Variants in CACNA2D3 observed in about 807,000 individuals in gnomAD.
The protein encoded by CACNA2D3 is calcium voltage-gated channel auxiliary subunit alpha2delta 3.
In CACNA2D3, 60 loss-of-function variants were observed where a neutral mutation model predicts 160.6. The observed-to-expected ratio is 0.37, with a 90% confidence interval of 0.30 to 0.46. The LOEUF (loss-of-function observed/expected upper bound fraction) is 0.46, where lower values mean the gene tolerates loss of function less well. Ranked by LOEUF, CACNA2D3 falls within the 20% of genes least tolerant of loss-of-function variation. The pLI, the probability that CACNA2D3 is intolerant of heterozygous loss-of-function variation, is 1.00. For synonymous variants in CACNA2D3, 558 were observed against 492.9 expected, an observed-to-expected ratio of 1.13 and a Z score of -1.75; for missense variants, 1,205 against 1,365.0, an observed-to-expected ratio of 0.88 and a Z score of 1.85.
intron 13 of CACNA2D3, among the ~76,000 whole-genome samples, chr3:54,783,467 A>T (rs1702572281): frequency 6.6e-6 from 1 of 152,002 alleles, no homozygotes; most frequent in African/African-American, 2.4e-5. Flanking sequence ...TTAGCCGGGC[A>T]TGGTGCCGTG....
intron 3 of CACNA2D3, among the ~76,000 whole-genome samples, chr3:54,371,380 A>G (rs1037832345): frequency 1.3e-5 from 2 of 152,182 alleles, no homozygotes; most frequent in African/African-American, 2.4e-5. Context: ...CTACATTTGA[A>G]AACTGCTATA....
At chr3:54,449,013 A>G (rs549567824) in intron 4 of CACNA2D3, among the ~76,000 whole-genome samples, 14 of 152,342 alleles carry the variant, frequency 9.2e-5, no homozygotes, top group African/African-American at 3.4e-4. Flanking sequence ...AGAATGGTTA[A>G]TGTCATTCAA....
At chr3:55,021,675 ATGTGTATATATATATATG>A (rs1440148709) in intron 35 of CACNA2D3, among the ~76,000 whole-genome samples, 2 of 140,048 alleles carry the variant, frequency 1.4e-5, no homozygotes, top group Non-Finnish European at 3.0e-5. Flanking sequence ...GTATATATAT[ATGTGTATATATATATATG>A]TGTGTATATA....
chr3:55,057,138 G>A (rs761133200), intron 35 of CACNA2D3, among the ~76,000 whole-genome samples: 5 of 152,140 alleles, frequency 3.3e-5, no homozygotes, highest in Non-Finnish European at 7.4e-5. Context: ...ATAGTGAATA[G>A]CCACTATGTA....
intron 5 of CACNA2D3, among the ~76,000 whole-genome samples, chr3:54,561,064 T>C (rs1417065309): frequency 1.3e-5 from 2 of 152,246 alleles, no homozygotes; most frequent in Non-Finnish European, 2.9e-5. Flanking sequence ...ATTCAGGCTC[T>C]TTTTTAGTTT....
At chr3:54,603,692 C>T (rs143015125) in intron 9 of CACNA2D3, among the ~76,000 whole-genome samples, 323 of 152,306 alleles carry the variant, frequency 2.1e-3, no homozygotes, top group African/African-American at 6.4e-3. Context: ...GACGCTTTGT[C>T]TGTGGAATGA....
intron 11 of CACNA2D3, among the ~76,000 whole-genome samples, chr3:54,750,856 G>A (rs1050778985): frequency 2.0e-5 from 3 of 150,822 alleles, no homozygotes; most frequent in South Asian, 2.1e-4. Flanking sequence ...TGCAACCTCC[G>A]CCTCCCAGGT....
chr3:55,069,272 T>A (rs891373503), intron 35 of CACNA2D3, among the ~76,000 whole-genome samples: 1 of 152,212 alleles, frequency 6.6e-6, no homozygotes, highest in African/African-American at 2.4e-5. Flanking sequence ...AATCATGTTC[T>A]CAAATTCCAT....
At chr3:54,340,284 A>G (rs1367908354) in intron 3 of CACNA2D3, among the ~76,000 whole-genome samples, 1 of 152,152 alleles carries the variant, frequency 6.6e-6, no homozygotes, top group Non-Finnish European at 1.5e-5. Flanking sequence ...CCCCATTCAT[A>G]TCTGCCATTG....
chr3:54,999,707 C>A lies in CACNA2D3; in HGVS notation c.2691-5056C>A, dbSNP rs142557028. On this transcript the variant is annotated intron_variant, in intron 31 of 37. Coordinates refer to ENST00000474759, the MANE Select transcript of CACNA2D3 (RefSeq NM_018398.3). ...TGTTGAGCCCCACAGTTGCTAACCA[C>A]CCCTAAATTAGCCAGCCTAAATTAG... 2.4e-3 allele frequency among the ~76,000 whole-genome samples: 361 copies of A among 152,300 alleles called. 2 individuals carry two copies. The highest frequency in any genetic ancestry group is 8.3e-3 in the African/African-American group (343 of 41,566).
chr3:54,802,468 A>G (rs1465183269), intron 13 of CACNA2D3, among the ~76,000 whole-genome samples: 1 of 152,184 alleles, frequency 6.6e-6, no homozygotes, highest in Admixed American at 6.5e-5. Flanking sequence ...TTTTGAGGAA[A>G]TTACTCCTGA....
chr3:54,545,796 T>A (rs1232514010), intron 5 of CACNA2D3, among the ~76,000 whole-genome samples: 1 of 152,214 alleles, frequency 6.6e-6, no homozygotes, highest in African/African-American at 2.4e-5. Context: ...GTGACAATAC[T>A]GGAAACTTGG....
At chr3:54,181,955 A>G (rs1046217704) in intron 2 of CACNA2D3, among the ~76,000 whole-genome samples, 1 of 152,148 alleles carries the variant, frequency 6.6e-6, no homozygotes, top group East Asian at 1.9e-4. Flanking sequence ...AATGGTTTGA[A>G]GCAAATACCT....
chr3:55,073,128 G>A (rs994425426), intron 35 of CACNA2D3, among the ~76,000 whole-genome samples: 3 of 152,182 alleles, frequency 2.0e-5, no homozygotes, highest in Non-Finnish European at 2.9e-5. Flanking sequence ...GGCTTTGAAA[G>A]TCTGACCTCT....
chr3:54,387,298 G>A (rs1359194985), intron 4 of CACNA2D3, among the ~76,000 whole-genome samples: 2 of 152,200 alleles, frequency 1.3e-5, no homozygotes, highest in Non-Finnish European at 2.9e-5. Flanking sequence ...GATAGAGAAG[G>A]ATTTTGATGT....
chr3:55,002,929 C>T (rs1013291727), intron 31 of CACNA2D3, among the ~76,000 whole-genome samples: 5 of 152,140 alleles, frequency 3.3e-5, no homozygotes, highest in African/African-American at 1.2e-4. Flanking sequence ...TGCAGTTGAC[C>T]ACTTTGTTCT....
intron 3 of CACNA2D3, among the ~76,000 whole-genome samples, chr3:54,378,849 G>T (rs1699053343): frequency 6.6e-6 from 1 of 152,190 alleles, no homozygotes; most frequent in Non-Finnish European, 1.5e-5. Context: ...CTTTGCAAAT[G>T]TTGCACTTTG....
At chr3:54,956,908 C>T (rs1352658486) in intron 27 of CACNA2D3, among the ~76,000 whole-genome samples, 1 of 151,958 alleles carries the variant, frequency 6.6e-6, no homozygotes, top group Non-Finnish European at 1.5e-5. Context: ...TTTGCCTTTG[C>T]TGTATAGGTT....
intron 2 of CACNA2D3, among the ~76,000 whole-genome samples, chr3:54,318,721 G>T (rs11923501): frequency 6.8e-6 from 1 of 146,756 alleles, no homozygotes; most frequent in Non-Finnish European, 1.5e-5. Context: ...CTGAGACAAG[G>T]CCTTACTGTG....
Sources: allele counts gnomAD v4.1 joint callset (sites outside exome capture counted in the v4.1 genomes callset), GRCh38; gene constraint gnomAD v4.1.1; transcripts MANE v1.5; gene names NCBI Gene and HGNC (gene_info 2026-07-23, HGNC 2026-07-21).